UBE2E2: variants seen among roughly 807,000 people sequenced by gnomAD.
UBE2E2 encodes ubiquitin conjugating enzyme E2 E2, also known as ubiquitin-conjugating enzyme E2 E2.
A neutral mutation model predicts 24.7 loss-of-function variants in UBE2E2; 6 were observed. The ratio of observed to expected loss-of-function variants is 0.24; its 90% CI spans 0.13 to 0.48. UBE2E2 has a LOEUF of 0.48. Among genes scored for constraint, UBE2E2 ranks in the 20% least tolerant of loss-of-function variants. The pLI, the probability that UBE2E2 is intolerant of heterozygous loss-of-function variation, is 0.99. For synonymous variants in UBE2E2, 104 were observed against 83.6 expected, an observed-to-expected ratio of 1.24 and a Z score of -1.33; for missense variants, 169 against 245.0, an observed-to-expected ratio of 0.69 and a Z score of 2.07.
intron 4 of UBE2E2, among the ~76,000 whole-genome samples, chr3:23,519,971 G>T (rs781544268): frequency 6.6e-6 from 1 of 151,858 alleles, no homozygotes; most frequent in Non-Finnish European, 1.5e-5. Flanking sequence ...TCTTCTCTTC[G>T]CTATTCACTT....
intron 4 of UBE2E2, among the ~76,000 whole-genome samples, chr3:23,525,212 A>G (rs1313141146): frequency 6.6e-6 from 1 of 152,156 alleles, no homozygotes; most frequent in Non-Finnish European, 1.5e-5. Flanking sequence ...TAAATAATCC[A>G]GGATAATCAC....
chr3:23,420,198 A>C (rs549312164), intron 3 of UBE2E2, among the ~76,000 whole-genome samples: 1 of 152,184 alleles, frequency 6.6e-6, no homozygotes, highest in Non-Finnish European at 1.5e-5. Flanking sequence ...ATCTATGTCT[A>C]TTCATACTTG....
chr3:23,486,075 C>T (rs1699362369), intron 3 of UBE2E2, among the ~76,000 whole-genome samples: 2 of 152,200 alleles, frequency 1.3e-5, no homozygotes, highest in African/African-American at 4.8e-5. Context: ...CTCGGCCCAG[C>T]AGGCTGCACT....
intron 3 of UBE2E2, among the ~76,000 whole-genome samples, chr3:23,486,330 T>C (rs1699370785): frequency 6.6e-6 from 1 of 152,160 alleles, no homozygotes; most frequent in African/African-American, 2.4e-5. Flanking sequence ...CAGTGGCACC[T>C]GAAAGCTCAG....
intron 3 of UBE2E2, among the ~76,000 whole-genome samples, chr3:23,391,908 A>C (rs902810866): frequency 2.0e-5 from 3 of 152,190 alleles, no homozygotes; most frequent in African/African-American, 7.2e-5. Context: ...CCATTGTTCT[A>C]TTATGTACCC....
At chr3:23,508,967 A>G (rs558621215) in intron 4 of UBE2E2, among the ~76,000 whole-genome samples, 51 of 152,320 alleles carry the variant, frequency 3.3e-4, no homozygotes, top group African/African-American at 1.2e-3. Flanking sequence ...GGAAAGATTC[A>G]CAGATGACAC....
At chr3:23,306,791 C>G (rs1699247852) in intron 3 of UBE2E2, among the ~76,000 whole-genome samples, 2 of 152,172 alleles carry the variant, frequency 1.3e-5, no homozygotes, top group Non-Finnish European at 2.9e-5. Flanking sequence ...TAGAACCTTG[C>G]TCAACTGATG....
At chr3:23,570,736 C>G (rs958756546) in intron 5 of UBE2E2, among the ~76,000 whole-genome samples, 1 of 152,050 alleles carries the variant, frequency 6.6e-6, no homozygotes, top group Non-Finnish European at 1.5e-5. Flanking sequence ...AGAAATAAGA[C>G]AAAGTGAAAC....
chr3:23,494,516 T>C (rs1053705960), intron 3 of UBE2E2, among the ~76,000 whole-genome samples: 1 of 152,228 alleles, frequency 6.6e-6, no homozygotes, highest in Non-Finnish European at 1.5e-5. Context: ...AAGTGCTTAG[T>C]AGCCACATGG....
chr3:23,238,598 C>G lies in UBE2E2; in HGVS notation c.227+21286C>G, dbSNP rs189300067. Among the ~76,000 whole-genome samples, 17 of 152,256 alleles carry G rather than the reference C, an allele frequency of 1.1e-4. No individual in the cohort carries two copies. The East Asian group carries it at 3.3e-3, about 29-fold the overall frequency. ...GATTAATAAAGTACAGGTTGAGTAT[C>G]TCTTACCTGAGATGCTTGGGACCAA... On this transcript the variant is annotated intron_variant, in intron 3 of 5. Coordinates refer to ENST00000396703, the MANE Select transcript of UBE2E2 (RefSeq NM_152653.4).
At position 23,432,620 on chromosome 3, in the gene UBE2E2, TGA is replaced by T. The variant is rs1185471541; in HGVS notation, c.228-66985_228-66984del. The stretch of plus-strand genomic sequence containing the variant: ...ACTTTCTCGTCTCAAGTTCATTAGT[TGA>T]GAAGGATGCTTACTATTACTCTGTC... On this transcript the variant is annotated intron_variant, in intron 3 of 5. Transcript: ENST00000396703. Among the ~76,000 whole-genome samples, 8 of 152,142 alleles carry T rather than the reference TGA, an allele frequency of 5.3e-5. No individual in the cohort carries two copies. The South Asian group carries it at 1.0e-3, about 20-fold the overall frequency.
chr3:23,217,783 G>T (rs1253110413), intron 3 of UBE2E2, among the ~76,000 whole-genome samples: 1 of 151,966 alleles, frequency 6.6e-6, no homozygotes, highest in South Asian at 2.1e-4. Context: ...GGTAAGAATG[G>T]GTGATTTGAG....
intron 3 of UBE2E2, among the ~76,000 whole-genome samples, chr3:23,425,160 C>G (rs901854770): frequency 2.0e-5 from 3 of 152,112 alleles, no homozygotes; most frequent in African/African-American, 7.2e-5. Context: ...CAGTATGTAT[C>G]CTTGAGTAAG....
intron 3 of UBE2E2, among the ~76,000 whole-genome samples, chr3:23,259,547 T>A (rs995698940): frequency 2.0e-5 from 3 of 151,072 alleles, no homozygotes; most frequent in African/African-American, 4.9e-5. Flanking sequence ...CAAACCTACA[T>A]GTTCTGCACA....
chr3:23,532,077 GA>G (rs1000058500), intron 4 of UBE2E2, among the ~76,000 whole-genome samples: 73 of 143,322 alleles, frequency 5.1e-4, no homozygotes, highest in Non-Finnish European at 8.3e-4. Flanking sequence ...AAAAAAAAAA[GA>G]AAAAAAAACT....
chr3:23,547,143 A>G (rs1390586513), intron 5 of UBE2E2, among the ~76,000 whole-genome samples: 1 of 152,136 alleles, frequency 6.6e-6, no homozygotes, highest in Non-Finnish European at 1.5e-5. Flanking sequence ...CCTGCTCACT[A>G]TTTGGGTTTA....
At chr3:23,441,177 A>G (rs1445642271) in intron 3 of UBE2E2, among the ~76,000 whole-genome samples, 2 of 152,134 alleles carry the variant, frequency 1.3e-5, no homozygotes, top group African/African-American at 2.4e-5. Flanking sequence ...TCCACCCTGC[A>G]AGGTTGGCAG....
intron 5 of UBE2E2, among the ~76,000 whole-genome samples, chr3:23,564,840 G>T (rs565634273): frequency 1.3e-5 from 2 of 152,120 alleles, no homozygotes; most frequent in African/African-American, 4.8e-5. Context: ...ATGTTGAAAT[G>T]TATGTTTAAA....
chr3:23,542,596 G>T (rs1695419064), intron 5 of UBE2E2, among the ~76,000 whole-genome samples: 1 of 152,110 alleles, frequency 6.6e-6, no homozygotes, highest in South Asian at 2.1e-4. Context: ...GAAAGTTTTA[G>T]ATTCATTCCT....
Sources: allele counts gnomAD v4.1 joint callset (sites outside exome capture counted in the v4.1 genomes callset), GRCh38; gene constraint gnomAD v4.1.1; transcripts MANE v1.5; gene names NCBI Gene and HGNC (gene_info 2026-07-23, HGNC 2026-07-21).